Variants in ZNF385D observed in about 807,000 individuals in gnomAD.
The protein encoded by ZNF385D is zinc finger protein 385D.
A neutral mutation model predicts 35.8 loss-of-function variants in ZNF385D; 15 were observed. The observed-to-expected ratio is 0.42, with a 90% confidence interval of 0.28 to 0.64. The LOEUF (loss-of-function observed/expected upper bound fraction) is 0.64, where lower values mean the gene tolerates loss of function less well. Among genes scored for constraint, ZNF385D ranks in the 30% least tolerant of loss-of-function variants. The pLI, the probability that ZNF385D is intolerant of heterozygous loss-of-function variation, is 0.23. For synonymous variants in ZNF385D, 212 were observed against 186.8 expected (o/e 1.13, Z -1.10); for missense variants, 474 against 494.6 (o/e 0.96, Z 0.39).
intron 3 of ZNF385D, among the ~76,000 whole-genome samples, chr3:22,165,602 G>A (rs1706260816): frequency 6.6e-6 from 1 of 152,100 alleles, no homozygotes; most frequent in Admixed American, 6.5e-5. Flanking sequence ...AAATAAATTA[G>A]GTTTGCTTTC....
chr3:22,236,315 T>A (rs1009532630), intron 2 of ZNF385D, among the ~76,000 whole-genome samples: 3 of 152,116 alleles, frequency 2.0e-5, no homozygotes, highest in Admixed American at 6.6e-5. Flanking sequence ...CACTGGAAAG[T>A]TGACTAGGAG....
At chr3:21,895,700 G>C (rs1034751498) in intron 3 of ZNF385D, among the ~76,000 whole-genome samples, 5 of 151,968 alleles carry the variant, frequency 3.3e-5, no homozygotes, top group Admixed American at 6.6e-5. Flanking sequence ...TATAGTGGCA[G>C]TATGCAGGAC....
intron 2 of ZNF385D, among the ~76,000 whole-genome samples, chr3:22,352,373 G>T (rs896310324): frequency 6.6e-6 from 1 of 152,150 alleles, no homozygotes; most frequent in African/African-American, 2.4e-5. Flanking sequence ...ATCCATTTAG[G>T]TTAGCAGAGC....
chr3:21,623,875 G>A (rs2065068831), intron 2 of ZNF385D, among the ~76,000 whole-genome samples: 1 of 152,064 alleles, frequency 6.6e-6, no homozygotes, highest in Non-Finnish European at 1.5e-5. Flanking sequence ...AAAAAGTAAA[G>A]CAATGTAACT....
Position 21,629,231 on chromosome 3 carries a change from G to A in ZNF385D, c.165+35655C>T, listed in dbSNP as rs570901195. On this transcript the variant is annotated intron_variant, in intron 2 of 7. Transcript: ENST00000281523. ...GTGGTGGGTCAAAATCATTTGCTTT[G>A]TGCAGGAGAGACAAAAATGTGCGGT... Among the ~76,000 whole-genome samples the A allele has an allele frequency of 2.0e-5, 3 of 152,086 alleles. No individual in the cohort carries two copies. In the East Asian group the frequency reaches 5.9e-4, roughly 30 times the overall value.
At chr3:22,251,769 T>C (rs1336749848) in intron 2 of ZNF385D, among the ~76,000 whole-genome samples, 2 of 152,046 alleles carry the variant, frequency 1.3e-5, no homozygotes, top group African/African-American at 2.4e-5. Context: ...GGAAATAATA[T>C]AGCACAGTGG....
intron 2 of ZNF385D, among the ~76,000 whole-genome samples, chr3:22,269,402 T>C (rs1174014363): frequency 6.6e-6 from 1 of 151,890 alleles, no homozygotes; most frequent in Non-Finnish European, 1.5e-5. Flanking sequence ...GCTGCTAAAA[T>C]AGGCACTTTC....
chr3:21,823,108 T>C (rs181953023), intron 3 of ZNF385D, among the ~76,000 whole-genome samples: 2 of 145,838 alleles, frequency 1.4e-5, no homozygotes, highest in Admixed American at 1.4e-4. Context: ...TGTATACATA[T>C]TATACAGTAT....
At chr3:21,895,250 C>A (rs138161226) in intron 3 of ZNF385D, among the ~76,000 whole-genome samples, 8 of 146,304 alleles carry the variant, frequency 5.5e-5, no homozygotes, top group African/African-American at 2.0e-4. Flanking sequence ...CAGAACATGG[C>A]GGACATGAGA....
chr3:21,590,224 G>A (rs188922910), intron 2 of ZNF385D, among the ~76,000 whole-genome samples: 39 of 152,258 alleles, frequency 2.6e-4, no homozygotes, highest in Admixed American at 2.2e-3. Flanking sequence ...ACATAATAGG[G>A]AGTGGAAAAA....
At chr3:22,298,261 G>T (rs550167181) in intron 2 of ZNF385D, among the ~76,000 whole-genome samples, 1 of 151,682 alleles carries the variant, frequency 6.6e-6, no homozygotes, top group Non-Finnish European at 1.5e-5. Flanking sequence ...TTAGTCATAA[G>T]TCATAAGGTG....
At chr3:21,526,278 CT>C (rs1300733365) in intron 3 of ZNF385D, among the ~76,000 whole-genome samples, 1 of 151,844 alleles carries the variant, frequency 6.6e-6, no homozygotes, top group African/African-American at 2.4e-5. Context: ...GTGTTTTCAC[CT>C]TTGCAGGGCT....
At chr3:22,330,392 G>T (rs983631064) in intron 2 of ZNF385D, among the ~76,000 whole-genome samples, 42 of 152,030 alleles carry the variant, frequency 2.8e-4, no homozygotes, top group Admixed American at 2.7e-3. Context: ...AATTATTCAA[G>T]TATTTTGGAA....
At chr3:21,814,370 G>A (rs1009333049) in intron 3 of ZNF385D, among the ~76,000 whole-genome samples, 1 of 152,146 alleles carries the variant, frequency 6.6e-6, no homozygotes, top group Non-Finnish European at 1.5e-5. Flanking sequence ...ACATGTAAAT[G>A]GGCTAAATGC....
intron 3 of ZNF385D, among the ~76,000 whole-genome samples, chr3:22,045,123 T>G (rs1160959266): frequency 6.6e-6 from 1 of 152,102 alleles, no homozygotes; most frequent in African/African-American, 2.4e-5. Flanking sequence ...AAAAAAAGCC[T>G]ATTTTTCCTT....
At chr3:21,706,131 A>G (rs1184345787) in intron 1 of ZNF385D, among the ~76,000 whole-genome samples, 1 of 152,226 alleles carries the variant, frequency 6.6e-6, no homozygotes, top group East Asian at 1.9e-4. Flanking sequence ...AGGACTAATA[A>G]TGACTGTAAA....
intron 3 of ZNF385D, among the ~76,000 whole-genome samples, chr3:21,758,755 A>AT (rs1236158899): frequency 1.3e-5 from 2 of 151,456 alleles, no homozygotes; most frequent in Non-Finnish European, 2.9e-5. Context: ...TTTTTCTTCT[A>AT]TTTTTTCCTT....
At chr3:21,754,645 C>T (rs2070258049), upstream of ZNF385D, among the ~76,000 whole-genome samples, 1 of 151,754 alleles carries the variant, frequency 6.6e-6, no homozygotes, top group South Asian at 2.1e-4. Flanking sequence ...ATGCCTTTGT[C>T]CCTCCCCTGA....
intron 2 of ZNF385D, among the ~76,000 whole-genome samples, chr3:22,308,766 T>G (rs1248353138): frequency 6.6e-6 from 1 of 152,062 alleles, no homozygotes; most frequent in Non-Finnish European, 1.5e-5. Context: ...AAAGTGGAGA[T>G]TTTAAACAAT....
Sources: allele counts gnomAD v4.1 joint callset (sites outside exome capture counted in the v4.1 genomes callset), GRCh38; gene constraint gnomAD v4.1.1; transcripts MANE v1.5; gene names NCBI Gene and HGNC (gene_info 2026-07-23, HGNC 2026-07-21).